Variants in XRN2 observed in about 807,000 individuals in gnomAD.
XRN2 encodes 5'-3' exoribonuclease 2.
In XRN2, 44 loss-of-function variants were observed where a neutral mutation model predicts 138.5. That is an observed-to-expected ratio of 0.32 (90% confidence interval 0.25 to 0.41). The LOEUF is 0.41. Ranked by LOEUF, XRN2 falls within the 10% of genes least tolerant of loss-of-function variation. The pLI, the probability that XRN2 is intolerant of heterozygous loss-of-function variation, is 1.00. For synonymous variants in XRN2, 354 were observed against 369.4 expected (o/e 0.96, Z 0.48); for missense variants, 937 against 1,169.3 (o/e 0.80, Z 2.90).
chr20:21,373,888 A>G (rs1431690112), intron 27 of XRN2, among the ~76,000 whole-genome samples: 2 of 152,068 alleles, frequency 1.3e-5, no homozygotes, highest in Non-Finnish European at 2.9e-5. Context: ...TTATATTGGA[A>G]ATATCTTTTT....
Position 21,348,199 on chromosome 20 carries a change from A to G in XRN2, c.1719A>G (p.Ser573=). ...CATTTCATTATGCACCATTTGCTTC[A>G]GACTTTGAAGGCATTGCAGACATGC... ...YYPFHYAPFA[S]DFEGIADMPS... The change falls in exon 18 of 30, where the codon TCA becomes TCG. Residue 573 remains serine (S), a synonymous_variant. Coordinates refer to ENST00000377191, the MANE Select transcript of XRN2 (RefSeq NM_012255.5). 4 of 1,614,046 alleles carry G rather than the reference A, an allele frequency of 2.5e-6. No homozygotes were observed. The highest frequency in any genetic ancestry group is 3.4e-6 in the Non-Finnish European group (4 of 1,179,980).
At chr20:21,383,157 A>C (rs372953574) in intron 28 of XRN2, among the ~76,000 whole-genome samples, 13 of 152,224 alleles carry the variant, frequency 8.5e-5, no homozygotes, top group Non-Finnish European at 1.3e-4. Flanking sequence ...ACTTAGTGCA[A>C]GTCTCATTAA....
In XRN2 at chr20:21,314,588, G is replaced by A. The variant is rs368982423; in HGVS notation, c.75+11115G>A. 1.4e-3 allele frequency among the ~76,000 whole-genome samples: 206 copies of A among 152,176 alleles called. 9 individuals carry two copies. The South Asian group carries it at 0.042, about 31-fold the overall frequency. ...TGCAGCCTTGAACTCCTGGGTTCAA[G>A]CGATTCTCCTGCCTCAGTCTCCTGA... is the stretch of plus-strand genomic sequence containing the variant. On this transcript the variant is annotated intron_variant, in intron 1 of 29. Coordinates refer to ENST00000377191, the MANE Select transcript of XRN2 (RefSeq NM_012255.5).
intron 27 of XRN2, among the ~76,000 whole-genome samples, chr20:21,376,117 C>T (rs1237272621): frequency 2.6e-5 from 4 of 152,128 alleles, no homozygotes; most frequent in African/African-American, 4.8e-5. Context: ...GGATTACAGG[C>T]GTGAGCCACT....
chr20:21,352,478 G>A (rs1283046286), intron 20 of XRN2, among the ~76,000 whole-genome samples: 1 of 151,944 alleles, frequency 6.6e-6, no homozygotes, highest in Non-Finnish European at 1.5e-5. Flanking sequence ...ACCGCCGTGT[G>A]CCACCACACC....
intron 3 of XRN2, among the ~76,000 whole-genome samples, chr20:21,327,901 A>G (rs1294264351): frequency 6.6e-6 from 1 of 152,186 alleles, no homozygotes; most frequent in Non-Finnish European, 1.5e-5. Context: ...AAAATCTTAC[A>G]ATCTAGTTCA....
rs796812021 is a variant in XRN2 at position 21,317,769 on chromosome 20, G to A, written c.76-8510G>A. On this transcript the variant is annotated intron_variant, in intron 1 of 29. Coordinates refer to ENST00000377191, the MANE Select transcript of XRN2 (RefSeq NM_012255.5). ...GCACATGTTGAGTACCAACGCAACT[G>A]TCCATTTTTTTCCTGAATATTTTTG... is the stretch of plus-strand genomic sequence containing the variant. Among the ~76,000 whole-genome samples the A allele has an allele frequency of 9.2e-5, 14 of 152,302 alleles. 2 individuals carry two copies. The South Asian group carries it at 2.9e-3, about 32-fold the overall frequency.
chr20:21,359,035 G>C (rs2038607160), intron 24 of XRN2, among the ~76,000 whole-genome samples: 1 of 152,114 alleles, frequency 6.6e-6, no homozygotes, highest in African/African-American at 2.4e-5. Flanking sequence ...ATATATTCAA[G>C]GGCCTTCCTG....
chr20:21,350,964 G>A (rs2038502951), intron 20 of XRN2, among the ~76,000 whole-genome samples: 1 of 152,136 alleles, frequency 6.6e-6, no homozygotes, highest in South Asian at 2.1e-4. Context: ...CTTTGTGGAG[G>A]ATGTCTTGAT....
Position 21,321,972 on chromosome 20 carries a change from CAATT to C in XRN2, c.76-4301_76-4298del, listed in dbSNP as rs1364906065. Among the ~76,000 whole-genome samples the C allele has an allele frequency of 2.0e-5, 3 of 152,248 alleles. No homozygotes were observed. In the East Asian group the frequency reaches 5.8e-4, roughly 29 times the overall value. ...CATCACTTTGAATCTAGTGAAATTA[CAATT>C]AATTAGTCTAACATACTGGTTAAGG... is the stretch of plus-strand genomic sequence containing the variant. On this transcript the variant is annotated intron_variant, in intron 1 of 29. Transcript: ENST00000377191.
intron 1 of XRN2, among the ~76,000 whole-genome samples, chr20:21,320,198 TTTG>T (rs1372176558): frequency 4.6e-5 from 7 of 152,136 alleles, no homozygotes; most frequent in Non-Finnish European, 8.8e-5. Flanking sequence ...ACAGGGTTCT[TTTG>T]TTGTTGTTTG....
intron 21 of XRN2, among the ~76,000 whole-genome samples, chr20:21,355,090 T>G (rs1001318432): frequency 4.6e-5 from 7 of 152,242 alleles, no homozygotes; most frequent in African/African-American, 1.7e-4. Flanking sequence ...TACAAGTATT[T>G]CTTAAATTTT....
chr20:21,379,461 A>G (rs532167450), intron 27 of XRN2, among the ~76,000 whole-genome samples: 4 of 152,284 alleles, frequency 2.6e-5, no homozygotes, highest in African/African-American at 9.6e-5. Context: ...TTCTTTTTGG[A>G]TTGAAAACAA....
chr20:21,380,999 G>A lies in XRN2; in HGVS notation c.2585-995G>A, dbSNP rs147219182. Among the ~76,000 whole-genome samples the A allele has an allele frequency of 3.8e-3, 579 of 152,200 alleles. 6 individuals carry two copies. Among genetic ancestry groups the A allele is most frequent in the African/African-American group, 0.013 (559 of 41,536 alleles). ...ATTGATTCCGTGTTCTTTGTCATGGGGCTTTTAAAGCATGATTCTACTTTT... is the reference window on the plus strand; with the variant it reads ...ATTGATTCCGTGTTCTTTGTCATGGAGCTTTTAAAGCATGATTCTACTTTT... On this transcript the variant is annotated intron_variant, in intron 27 of 29. Transcript: ENST00000377191.
At position 21,386,934 on chromosome 20, in the gene XRN2, G is replaced by A; in HGVS notation, c.2715G>A (p.Gln905=). ...TGCAAACCCAGAATGCAGCCTTCCA[G>A]CCAAACCAGTACCAGATGCTAGCTG... ...RMLQTQNAAF[Q]PNQYQMLAGP... Residue 905 remains glutamine, a synonymous_variant, in exon 29 of 30, where the codon CAG becomes CAA. Transcript: ENST00000377191. The A allele has an allele frequency of 1.2e-6, 2 of 1,614,058 alleles. No homozygotes were observed. The highest frequency in any genetic ancestry group is 1.7e-6 in the Non-Finnish European group (2 of 1,179,916).
At chr20:21,340,465 A>G (rs577126580) in intron 14 of XRN2, among the ~76,000 whole-genome samples, 8 of 152,152 alleles carry the variant, frequency 5.3e-5, no homozygotes, top group Admixed American at 2.0e-4. Flanking sequence ...GATTTTCTCT[A>G]TGTTTCAGTA....
At chr20:21,339,173 C>T in intron 14 of XRN2, 85 bp downstream of exon 14, 1 of 1,388,056 alleles carries the variant, frequency 7.2e-7, no homozygotes, top group South Asian at 1.2e-5. Context: ...AGCTTTATTC[C>T]TTGTCCAGTA....
intron 27 of XRN2, among the ~76,000 whole-genome samples, chr20:21,372,740 T>G (rs2038776911): frequency 6.6e-6 from 1 of 152,186 alleles, no homozygotes; most frequent in Non-Finnish European, 1.5e-5. Context: ...ATAGATATAT[T>G]CATGTATTCA....
rs58193143 is a variant in XRN2 at position 21,351,821 on chromosome 20, G to C, written c.1936+2360G>C. Among the ~76,000 whole-genome samples, 11 of 152,186 alleles carry C rather than the reference G, an allele frequency of 7.2e-5. No individual in the cohort carries two copies. In the East Asian group the frequency reaches 9.6e-4, roughly 13 times the overall value. ...TGCATGTGCATATCAAATTTTCCCG[G>C]CACCACTTGTTGAAAAGACCATTCT... On this transcript the variant is annotated intron_variant, in intron 20 of 29. Coordinates refer to ENST00000377191, the MANE Select transcript of XRN2 (RefSeq NM_012255.5).
Sources: gnomAD v4.1 joint callset for allele counts (sites outside exome capture counted in the v4.1 genomes callset) on GRCh38, gnomAD v4.1.1 for gene constraint, MANE v1.5 for transcripts, NCBI Gene and HGNC (gene_info 2026-07-23, HGNC 2026-07-21) for gene names.